The following WSCD2 variants were observed in gnomAD, a reference collection of about 807,000 sequenced individuals.
The protein encoded by WSCD2 is WSC domain sialate O sulfotransferase 2, also known as sialate:O-sulfotransferase 2.
Under a neutral mutation model 55.7 loss-of-function variants are expected in WSCD2, and 28 were observed. The observed-to-expected ratio is 0.50, with a 90% CI of 0.37 to 0.69. The LOEUF (loss-of-function observed/expected upper bound fraction) is 0.69. Among genes scored for constraint, WSCD2 ranks in the 30% least tolerant of loss-of-function variants. WSCD2 has a pLI of 0.00. For missense variants in WSCD2, 616 were observed against 762.1 expected, an observed-to-expected ratio of 0.81 and a Z score of 2.26; for synonymous variants, 301 against 301.9, an observed-to-expected ratio of 1.00 and a Z score of 0.03.
chr12:108,236,969 G>C (rs1377203447), intron 7 of WSCD2, among the ~76,000 whole-genome samples: 2 of 152,236 alleles, frequency 1.3e-5, no homozygotes, highest in Non-Finnish European at 2.9e-5. Context: ...AGACAGAAGA[G>C]GGAAGGGCAG....
chr12:108,146,350 G>T (rs1877393497), intron 1 of WSCD2, among the ~76,000 whole-genome samples: 1 of 152,182 alleles, frequency 6.6e-6, no homozygotes, highest in East Asian at 1.9e-4. Flanking sequence ...ACTCTGTCCT[G>T]TCATTCCCCC....
intron 1 of WSCD2, among the ~76,000 whole-genome samples, chr12:108,159,686 T>C (rs1381709463): frequency 6.6e-6 from 1 of 152,258 alleles, no homozygotes; most frequent in East Asian, 1.9e-4. Context: ...TGAGGGATTC[T>C]TATTCTTGCT....
Position 108,248,814 on chromosome 12 carries a change from A to G in WSCD2, c.*471A>G. On this transcript the variant is annotated 3_prime_UTR_variant, in exon 9 of 9. Coordinates refer to ENST00000547525, the MANE Select transcript of WSCD2 (RefSeq NM_014653.4). This position sits in a 1 kb window ranked among gnomAD's most constrained non-coding sequence, Gnocchi z 4.3. ...GCAGCCCCCTTCTCATCTCCACCCA[A>G]GAAGTGCTGGCACCGATGTTTAACT... The G allele has an allele frequency of 1.0e-6, 1 of 991,130 alleles. No homozygotes were observed. The highest frequency in any genetic ancestry group is 1.7e-5 in the African/African-American group (1 of 57,422). The allele number at this position is 991,130 out of a possible 1,614,324, so 61.4% of individuals were successfully genotyped here. A position where few individuals can be genotyped will look rare whatever the true frequency, so the allele number is the denominator to read the frequency against.
chr12:108,183,311 C>A (rs538582075), intron 1 of WSCD2, among the ~76,000 whole-genome samples: 17 of 152,314 alleles, frequency 1.1e-4, no homozygotes, highest in African/African-American at 3.4e-4. Context: ...TGCTGTTTCT[C>A]ACTCATGAAG....
At chr12:108,246,025 G>A (rs972987972) in intron 8 of WSCD2, among the ~76,000 whole-genome samples, 4 of 152,192 alleles carry the variant, frequency 2.6e-5, no homozygotes, top group Non-Finnish European at 4.4e-5. Flanking sequence ...TTCAACAACC[G>A]TTCACTGAGC....
chr12:108,159,287 G>A lies in WSCD2; in HGVS notation c.-552+29361G>A, dbSNP rs888988555. 7.1e-4 allele frequency among the ~76,000 whole-genome samples: 108 copies of A among 152,174 alleles called. 1 individual carries two copies. The highest frequency in any genetic ancestry group is 2.4e-3 in the African/African-American group (99 of 41,452). Reference sequence around the variant, plus strand: ...TCTGGTGATGATGCTGGTGCTGATAGCCAATGTGCCTGTTGTGCTTTCTGT... The same window carrying A: ...TCTGGTGATGATGCTGGTGCTGATAACCAATGTGCCTGTTGTGCTTTCTGT... On this transcript the variant is annotated intron_variant, in intron 1 of 8. Coordinates refer to ENST00000547525, the MANE Select transcript of WSCD2 (RefSeq NM_014653.4).
At chr12:108,145,448 G>A (rs1877285701) in intron 1 of WSCD2, among the ~76,000 whole-genome samples, 1 of 152,200 alleles carries the variant, frequency 6.6e-6, no homozygotes, top group African/African-American at 2.4e-5. Flanking sequence ...GGCTTCCCAG[G>A]CTAACATTCC....
chr12:108,236,580 C>A (rs1889283142), intron 7 of WSCD2, among the ~76,000 whole-genome samples: 1 of 145,802 alleles, frequency 6.9e-6, no homozygotes. Flanking sequence ...CTCTCTCTCT[C>A]ATTCTCTCTC....
rs1158584686 is a variant in WSCD2, at chr12:108,206,378, C to T, written c.472C>T (p.Arg158Cys). 4 of 1,614,108 alleles carry T rather than the reference C, an allele frequency of 2.5e-6. No homozygotes were observed. The highest frequency in any genetic ancestry group is 1.3e-5 in the African/African-American group (1 of 74,936). The change falls in exon 3 of 9, where the codon CGT becomes TGT. Residue 158 changes from arginine to cysteine, a missense_variant. This residue lies in a region of WSCD2 where 374 missense variants were observed against 467.4 expected (regional missense o/e 0.80). Coordinates refer to ENST00000547525, the MANE Select transcript of WSCD2 (RefSeq NM_014653.4). ...TGACTACAAAAAGATGACCATCTTCCGTTGCCAGGACAACTGTGCTGAACG... is the reference window on the plus strand; with the variant it reads ...TGACTACAAAAAGATGACCATCTTCTGTTGCCAGGACAACTGTGCTGAACG... Reference protein sequence around the residue: ...FFDYKKMTIFRCQDNCAERGY... With the variant: ...FFDYKKMTIFCCQDNCAERGY...
At chr12:108,132,609 G>A (rs547715022) in intron 1 of WSCD2, among the ~76,000 whole-genome samples, 9 of 152,212 alleles carry the variant, frequency 5.9e-5, no homozygotes, top group East Asian at 1.9e-4. Flanking sequence ...TGAATGTTAC[G>A]CAGTTGTATA....
At chr12:108,135,480 C>T (rs1011525669) in intron 1 of WSCD2, among the ~76,000 whole-genome samples, 2 of 152,238 alleles carry the variant, frequency 1.3e-5, no homozygotes, top group African/African-American at 4.8e-5. Context: ...GCCTTTCATG[C>T]TGGAAGCCAT....
chr12:108,207,042 A>G (rs908641714), intron 3 of WSCD2, among the ~76,000 whole-genome samples: 5 of 152,318 alleles, frequency 3.3e-5, no homozygotes, highest in Admixed American at 6.5e-5. Flanking sequence ...GTGTTTTCCA[A>G]TCTAAGAAGA....
chr12:108,223,819 A>C lies in WSCD2; in HGVS notation c.683-920A>C, dbSNP rs1243500950. ...CTGACATTGGAAGCTAGGATAGACA[A>C]GGCCAAGGCAAGCCAGCCCCCTTTC... On this transcript the variant is annotated intron_variant, in intron 4 of 8. Transcript: ENST00000547525. Among the ~76,000 whole-genome samples, 6 of 152,190 alleles carry C rather than the reference A, an allele frequency of 3.9e-5. No individual in the cohort carries two copies. In the East Asian group the frequency reaches 1.2e-3, roughly 29 times the overall value.
At chr12:108,153,138 T>G (rs989818085) in intron 1 of WSCD2, among the ~76,000 whole-genome samples, 3 of 102,968 alleles carry the variant, frequency 2.9e-5, no homozygotes, top group Non-Finnish European at 4.6e-5. Flanking sequence ...AAAACTGACT[T>G]AGCACGAGTA....
At chr12:108,219,309 A>T (rs539672506) in intron 4 of WSCD2, among the ~76,000 whole-genome samples, 90 of 152,326 alleles carry the variant, frequency 5.9e-4, no homozygotes, top group African/African-American at 2.1e-3. Flanking sequence ...CTATGTGCAG[A>T]TGAGCACGGT....
At chr12:108,238,553 C>T (rs1889448240) in intron 7 of WSCD2, among the ~76,000 whole-genome samples, 1 of 152,196 alleles carries the variant, frequency 6.6e-6, no homozygotes, top group South Asian at 2.1e-4. Flanking sequence ...ATGATTTCAC[C>T]CTAAGTCTTA....
At chr12:108,143,849 GA>G (rs1392186702) in intron 1 of WSCD2, among the ~76,000 whole-genome samples, 1 of 152,132 alleles carries the variant, frequency 6.6e-6, no homozygotes, top group Non-Finnish European at 1.5e-5. Context: ...TTTATCAGCG[GA>G]AAGCTGTGAT....
At chr12:108,213,038 G>A (rs1028070215) in intron 4 of WSCD2, among the ~76,000 whole-genome samples, 1 of 152,188 alleles carries the variant, frequency 6.6e-6, no homozygotes, top group Non-Finnish European at 1.5e-5. Context: ...GGTTGACAAT[G>A]TTTCAAATCC....
intron 7 of WSCD2, among the ~76,000 whole-genome samples, chr12:108,237,303 G>A (rs1337548675): frequency 6.6e-6 from 1 of 152,216 alleles, no homozygotes; most frequent in African/African-American, 2.4e-5. Context: ...TCTCTCTGTG[G>A]CCCTGAACAA....
Sources: allele counts gnomAD v4.1 joint callset (sites outside exome capture counted in the v4.1 genomes callset), GRCh38; gene constraint gnomAD v4.1.1; regional missense constraint gnomAD v4.1.1; non-coding constraint Gnocchi (gnomAD v3.1); transcripts MANE v1.5; gene names NCBI Gene and HGNC (gene_info 2026-07-23, HGNC 2026-07-21).